Variants in GBE1 observed in about 807,000 individuals in gnomAD.
The protein encoded by GBE1 is 1,4-alpha-glucan branching enzyme 1.
A neutral mutation model predicts 88.8 loss-of-function variants in GBE1; 70 were observed. The ratio of observed to expected loss-of-function variants is 0.79; its 90% CI spans 0.65 to 0.96. The LOEUF (loss-of-function observed/expected upper bound fraction) is 0.96. Among genes scored for constraint, GBE1 ranks in the 40% least tolerant of loss-of-function variants. The pLI, the probability that GBE1 is intolerant of heterozygous loss-of-function variation, is 0.00. For missense variants in GBE1, 872 were observed against 871.0 expected, an observed-to-expected ratio of 1.00 and a Z score of -0.01; for synonymous variants, 284 against 300.1, an observed-to-expected ratio of 0.95 and a Z score of 0.56.
intron 3 of GBE1, among the ~76,000 whole-genome samples, chr3:81,657,612 T>C (rs1441028167): frequency 6.6e-6 from 1 of 152,098 alleles, no homozygotes; most frequent in Admixed American, 6.6e-5. Flanking sequence ...ATCGGTAAGA[T>C]TATATAAATT....
At chr3:81,511,570 A>G (rs926968127) in intron 14 of GBE1, among the ~76,000 whole-genome samples, 1 of 151,996 alleles carries the variant, frequency 6.6e-6, no homozygotes, top group Non-Finnish European at 1.5e-5. Context: ...CGTTCACCAA[A>G]CACATGAAAA....
At chr3:81,683,585 C>A (rs979511425) in intron 2 of GBE1, among the ~76,000 whole-genome samples, 32 of 152,126 alleles carry the variant, frequency 2.1e-4, no homozygotes, top group African/African-American at 7.5e-4. Flanking sequence ...TTCTCAAACC[C>A]AGATTAATTA....
chr3:81,614,791 G>A (rs1012115484), intron 7 of GBE1, among the ~76,000 whole-genome samples: 45 of 152,034 alleles, frequency 3.0e-4, no homozygotes, highest in African/African-American at 9.4e-4. Flanking sequence ...CCCAGGAGGC[G>A]GAGGTTGCAG....
At chr3:81,556,090 G>C (rs1703344482) in intron 12 of GBE1, among the ~76,000 whole-genome samples, 1 of 152,052 alleles carries the variant, frequency 6.6e-6, no homozygotes, top group African/African-American at 2.4e-5. Context: ...ATACAGTAAA[G>C]TCTATTTAAC....
At chr3:81,517,971 T>C (rs747118675) in intron 14 of GBE1, among the ~76,000 whole-genome samples, 17 of 151,306 alleles carry the variant, frequency 1.1e-4, no homozygotes, top group Non-Finnish European at 1.9e-4. Flanking sequence ...TAAGTAAACA[T>C]ATCATTGTTG....
intron 7 of GBE1, among the ~76,000 whole-genome samples, chr3:81,614,986 T>C (rs576391141): frequency 2.0e-5 from 3 of 151,850 alleles, no homozygotes; most frequent in South Asian, 2.1e-4. Flanking sequence ...CAGTGAGCTG[T>C]ACTCCAGCAT....
rs540930938 is a variant in GBE1, at chr3:81,683,471, A to G, written c.314-12518T>C. ...GGATAGCTGAAGACTCTATGAAGAA[A>G]AAATGATTAAAAATTTTCAAGGCTT... On this transcript the variant is annotated intron_variant, in intron 2 of 15. Coordinates refer to ENST00000429644, the MANE Select transcript of GBE1 (RefSeq NM_000158.4). Among the ~76,000 whole-genome samples the G allele has an allele frequency of 3.3e-5, 5 of 152,326 alleles. No individual in the cohort carries two copies. In the East Asian group the frequency reaches 5.8e-4, roughly 18 times the overall value.
intron 2 of GBE1, among the ~76,000 whole-genome samples, chr3:81,697,858 A>G (rs1182448591): frequency 1.3e-5 from 2 of 151,982 alleles, no homozygotes. Context: ...AAAGTCTAAC[A>G]CACGCAGCAT....
chr3:81,731,859 T>C (rs1164466613), intron 1 of GBE1, among the ~76,000 whole-genome samples: 8 of 152,170 alleles, frequency 5.3e-5, no homozygotes, highest in Admixed American at 2.6e-4. Context: ...TTCTTTTATT[T>C]ACAAGTTACT....
chr3:81,492,573 C>G (rs534002008), intron 15 of GBE1, among the ~76,000 whole-genome samples: 9 of 152,108 alleles, frequency 5.9e-5, no homozygotes, highest in African/African-American at 2.2e-4. Context: ...AAAGGAGTTT[C>G]CCATGTACTT....
chr3:81,683,189 TA>T (rs1705376596), intron 2 of GBE1, among the ~76,000 whole-genome samples: 1 of 152,204 alleles, frequency 6.6e-6, no homozygotes, highest in South Asian at 2.1e-4. Context: ...TTTATTATAC[TA>T]AAAACCATCA....
chr3:81,646,641 G>C (rs1704768286), intron 5 of GBE1, 159 bp from the exon 6 acceptor site: 2 of 566,324 alleles, frequency 3.5e-6, no homozygotes, highest in African/African-American at 3.9e-5. Flanking sequence ...TTTTTTGTTT[G>C]ACCTTCTAAC....
intron 12 of GBE1, among the ~76,000 whole-genome samples, chr3:81,558,664 A>G (rs985418863): frequency 5.9e-5 from 9 of 152,092 alleles, no homozygotes; most frequent in African/African-American, 2.2e-4. Flanking sequence ...TGATTTTAGG[A>G]AACAAAACCA....
chr3:81,661,030 C>T (rs1705021726), intron 3 of GBE1, among the ~76,000 whole-genome samples: 2 of 151,002 alleles, frequency 1.3e-5, no homozygotes, highest in South Asian at 4.2e-4. Flanking sequence ...TCTGGCACAC[C>T]AATAAAAGAT....
intron 1 of GBE1, among the ~76,000 whole-genome samples, chr3:81,725,156 A>C (rs1041712045): frequency 2.0e-5 from 3 of 152,212 alleles, no homozygotes; most frequent in South Asian, 2.1e-4. Context: ...TTATATTTAA[A>C]CATTTTTTAT....
At chr3:81,737,496 A>C (rs1706283821) in intron 1 of GBE1, among the ~76,000 whole-genome samples, 1 of 147,936 alleles carries the variant, frequency 6.8e-6, no homozygotes, top group African/African-American at 2.5e-5. Flanking sequence ...TACTACTCAA[A>C]TGTGTGCCAC....
At position 81,545,647 on chromosome 3, in the gene GBE1, C is replaced by A. The variant is rs143628251; in HGVS notation, c.1619-8552G>T. ...GTGTGTGTGTGTGTGTATGTGTGTG[C>A]ATGCCAGTTGTATTCCACCAGTCCA... is the stretch of plus-strand genomic sequence containing the variant. On this transcript the variant is annotated intron_variant, in intron 12 of 15. Transcript: ENST00000429644. Among the ~76,000 whole-genome samples, 31 of 149,964 alleles carry A rather than the reference C, an allele frequency of 2.1e-4. No homozygotes were observed. In the East Asian group the frequency reaches 5.6e-3, roughly 27 times the overall value.
intron 12 of GBE1, among the ~76,000 whole-genome samples, chr3:81,565,493 T>C (rs1392518152): frequency 2.6e-5 from 4 of 152,210 alleles, no homozygotes; most frequent in African/African-American, 9.6e-5. Flanking sequence ...TGAAGTCTAA[T>C]GTAGCGATCA....
In GBE1 at chr3:81,761,343, T is replaced by G. The variant is rs776213486; in HGVS notation, c.143+32A>C. ...CGGCTCCTGGGAGGCGGGCTGCCTG[T>G]CTAAGTGGGGGTGGTGGGATTCCGG... is the stretch of plus-strand genomic sequence containing the variant. On this transcript the variant is annotated intron_variant, in intron 1 of 15. Coordinates refer to ENST00000429644, the MANE Select transcript of GBE1 (RefSeq NM_000158.4). 7 of 1,588,748 alleles carry G rather than the reference T, an allele frequency of 4.4e-6. No homozygotes were observed. In the African/African-American group the frequency reaches 8.2e-5, roughly 19 times the overall value.
Sources: allele counts gnomAD v4.1 joint callset (sites outside exome capture counted in the v4.1 genomes callset), GRCh38; gene constraint gnomAD v4.1.1; transcripts MANE v1.5; gene names NCBI Gene and HGNC (gene_info 2026-07-23, HGNC 2026-07-21).